CHD6: variants seen among roughly 807,000 people sequenced by gnomAD.
The protein encoded by CHD6 is chromodomain helicase DNA binding protein 6.
Under a neutral mutation model 276.9 loss-of-function variants are expected in CHD6, and 50 were observed. The ratio of observed to expected loss-of-function variants is 0.18; its 90% CI spans 0.14 to 0.23. The LOEUF is 0.23. Among genes scored for constraint, CHD6 ranks in the 10% least tolerant of loss-of-function variants. The pLI, the probability that CHD6 is intolerant of heterozygous loss-of-function variation, is 1.00. For synonymous variants in CHD6, 1,173 were observed against 1,229.3 expected, an observed-to-expected ratio of 0.95 and a Z score of 0.96; for missense variants, 2,564 against 3,365.8, an observed-to-expected ratio of 0.76 and a Z score of 5.89.
chr20:41,478,786 T>A (rs1032685170), intron 16 of CHD6, among the ~76,000 whole-genome samples: 1 of 152,150 alleles, frequency 6.6e-6, no homozygotes, highest in African/African-American at 2.4e-5. Context: ...CCCATCAACA[T>A]CTTCAGAGCA....
intron 1 of CHD6, among the ~76,000 whole-genome samples, chr20:41,573,365 G>T (rs1384733619): frequency 7.2e-5 from 11 of 152,184 alleles, no homozygotes; most frequent in Non-Finnish European, 1.5e-5. Flanking sequence ...ACTATCTGAT[G>T]AATGAATGAA....
At chr20:41,505,401 G>A (rs753985133) in intron 5 of CHD6, among the ~76,000 whole-genome samples, 1 of 152,068 alleles carries the variant, frequency 6.6e-6, no homozygotes, top group Admixed American at 6.5e-5. Flanking sequence ...CACGAGCCCT[G>A]TATATTCAAT....
At chr20:41,494,058 A>T in intron 8 of CHD6, 114 bp from the exon 9 acceptor site, 1 of 687,432 alleles carries the variant, frequency 1.5e-6, no homozygotes, top group Non-Finnish European at 2.5e-6. Flanking sequence ...AAACACAAAA[A>T]GAAAGGGTTT....
intron 1 of CHD6, among the ~76,000 whole-genome samples, chr20:41,571,212 T>C (rs1189890359): frequency 6.6e-6 from 1 of 152,008 alleles, no homozygotes; most frequent in African/African-American, 2.4e-5. Flanking sequence ...AAGACAGCAG[T>C]GATATTTTAT....
chr20:41,468,077 T>C (rs1360483241), intron 17 of CHD6, among the ~76,000 whole-genome samples: 1 of 152,066 alleles, frequency 6.6e-6, no homozygotes, highest in Non-Finnish European at 1.5e-5. Flanking sequence ...AGACCACTCT[T>C]TCTAAATCAG....
chr20:41,439,673 T>G (rs2047837833), intron 26 of CHD6, among the ~76,000 whole-genome samples: 1 of 152,204 alleles, frequency 6.6e-6, no homozygotes, highest in South Asian at 2.1e-4. Flanking sequence ...ATGGGAGGTC[T>G]GAATTCTCCC....
intron 1 of CHD6, among the ~76,000 whole-genome samples, chr20:41,598,136 C>T (rs970815638): frequency 1.3e-5 from 2 of 152,116 alleles, no homozygotes; most frequent in African/African-American, 4.8e-5. Flanking sequence ...TAATGTAATC[C>T]AGTACAAATT....
At chr20:41,531,192 A>C (rs1489343770) in intron 3 of CHD6, among the ~76,000 whole-genome samples, 3 of 152,194 alleles carry the variant, frequency 2.0e-5, no homozygotes, top group Non-Finnish European at 4.4e-5. Flanking sequence ...AATTGTAAAC[A>C]TCAGAAACCA....
chr20:41,440,198 CT>C (rs1046293842), intron 25 of CHD6, 69 bp from the exon 26 acceptor site: 5 of 1,420,268 alleles, frequency 3.5e-6, no homozygotes, highest in Non-Finnish European at 4.9e-6. Flanking sequence ...GGGCACTAGT[CT>C]TTTTGTTTTC....
At chr20:41,478,917 A>G (rs1202359223) in intron 16 of CHD6, among the ~76,000 whole-genome samples, 1 of 152,232 alleles carries the variant, frequency 6.6e-6, no homozygotes, top group African/African-American at 2.4e-5. Flanking sequence ...CTACAATGTT[A>G]TAATTCAGAC....
chr20:41,532,524 C>A (rs2044712524), intron 3 of CHD6, among the ~76,000 whole-genome samples: 1 of 152,238 alleles, frequency 6.6e-6, no homozygotes, highest in Non-Finnish European at 1.5e-5. Flanking sequence ...ATGTCACTTC[C>A]CTTACACCCT....
At chr20:41,547,994 T>C (rs2045075539) in intron 2 of CHD6, 2 of 245,302 alleles carry the variant, frequency 8.2e-6, no homozygotes, top group Admixed American at 4.9e-5. Context: ...ATTATACAAC[T>C]AAATCGTAAG....
chr20:41,569,436 C>T (rs984931033), intron 1 of CHD6, among the ~76,000 whole-genome samples: 7 of 152,172 alleles, frequency 4.6e-5, no homozygotes, highest in Admixed American at 2.0e-4. Context: ...CTAAATAAAA[C>T]TAGTTGTTTG....
At chr20:41,420,427 G>A in intron 31 of CHD6, 81 bp downstream of exon 31, 5 of 1,433,018 alleles carry the variant, frequency 3.5e-6, no homozygotes, top group Non-Finnish European at 2.8e-6. Context: ...AAAATATGAA[G>A]CACTCTCTCC....
intron 17 of CHD6, among the ~76,000 whole-genome samples, chr20:41,460,102 C>A (rs2048497699): frequency 1.3e-5 from 2 of 152,220 alleles, no homozygotes; most frequent in Admixed American, 1.3e-4. Flanking sequence ...GCATTTGCCC[C>A]TGCCCTCGAG....
At chr20:41,548,720 G>T (rs913316527) in intron 2 of CHD6, among the ~76,000 whole-genome samples, 2 of 151,852 alleles carry the variant, frequency 1.3e-5, no homozygotes, top group African/African-American at 4.8e-5. Context: ...CTACAAAATG[G>T]GAGAAAATTT....
At chr20:41,609,855 CTTT>C (rs369159347) in intron 1 of CHD6, among the ~76,000 whole-genome samples, 1 of 128,212 alleles carries the variant, frequency 7.8e-6, no homozygotes, top group Non-Finnish European at 1.7e-5. Flanking sequence ...TTTCTTTTTT[CTTT>C]TTTTTTTTTT....
In CHD6 at chr20:41,421,018, TTTCCTCCTCTTC is replaced by T. The variant is rs745583350; in HGVS notation, c.5605_5616del (p.Glu1869_Glu1872del). On this transcript the variant is annotated inframe_deletion, in exon 31 of 37. Coordinates refer to ENST00000373233, the MANE Select transcript of CHD6 (RefSeq NM_032221.5). ...GCCATGGCTAAGTTTTCCTCCTCGTTTTCCTCCTCTTCTTCCTCCTCATCACTGTGGTTCTGA... is the reference window on the plus strand; with the variant it reads ...GCCATGGCTAAGTTTTCCTCCTCGTTTTCCTCCTCATCACTGTGGTTCTGA... The T allele has an allele frequency of 1.4e-5, 23 of 1,613,584 alleles. No homozygotes were observed. Among genetic ancestry groups the T allele is most frequent in the African/African-American group, 4.0e-5 (3 of 74,858 alleles).
chr20:41,504,077 C>CAAAAAAAAAAAAA (rs1189323419), intron 5 of CHD6, among the ~76,000 whole-genome samples: 327 of 27,088 alleles, frequency 0.012, 37 homozygotes, highest in African/African-American at 0.022. Flanking sequence ...GACTCTGTCT[C>CAAAAAAAAAAAAA]AAAAAAAAAA....
Sources: gnomAD v4.1 joint callset for allele counts (sites outside exome capture counted in the v4.1 genomes callset) on GRCh38, gnomAD v4.1.1 for gene constraint, MANE v1.5 for transcripts, NCBI Gene and HGNC (gene_info 2026-07-23, HGNC 2026-07-21) for gene names.